The following ANKRD31 variants were observed in gnomAD, a reference collection of about 807,000 sequenced individuals.
ANKRD31 encodes the protein ankyrin repeat domain 31.
Under a neutral mutation model 186.0 loss-of-function variants are expected in ANKRD31, and 147 were observed. That is an observed-to-expected ratio of 0.79 (90% CI 0.69 to 0.91). The LOEUF is 0.91. ANKRD31 is among the 40% of genes least tolerant of loss of function. The pLI, the probability that ANKRD31 is intolerant of heterozygous loss-of-function variation, is 0.00. For synonymous variants in ANKRD31, 673 were observed against 736.4 expected (o/e 0.91, Z 1.39); for missense variants, 1,986 against 2,148.8 (o/e 0.92, Z 1.50).
chr5:75,136,646 T>C (rs1490057505), intron 17 of ANKRD31, among the ~76,000 whole-genome samples: 40 of 152,252 alleles, frequency 2.6e-4, no homozygotes, highest in African/African-American at 8.7e-4. Flanking sequence ...CCATTTGACC[T>C]AGCCATCCCA....
chr5:75,235,972 T>G (rs1758247332), intron 1 of ANKRD31, among the ~76,000 whole-genome samples: 1 of 152,174 alleles, frequency 6.6e-6, no homozygotes, highest in Non-Finnish European at 1.5e-5. Context: ...CCTAATTCTG[T>G]GTACGATCCA....
At chr5:75,185,557 A>T (rs1754649496) in intron 10 of ANKRD31, among the ~76,000 whole-genome samples, 2 of 151,536 alleles carry the variant, frequency 1.3e-5, no homozygotes, top group African/African-American at 4.8e-5. Flanking sequence ...ATTCCATCTC[A>T]CACACACACA....
At chr5:75,193,863 C>A (rs887653855) in intron 7 of ANKRD31, among the ~76,000 whole-genome samples, 1 of 152,072 alleles carries the variant, frequency 6.6e-6, no homozygotes, top group Non-Finnish European at 1.5e-5. Context: ...TCTATGGTCA[C>A]TCTAGGAGTT....
chr5:75,233,762 A>G (rs902241685), intron 1 of ANKRD31, among the ~76,000 whole-genome samples: 2 of 152,014 alleles, frequency 1.3e-5, no homozygotes, highest in African/African-American at 2.4e-5. Context: ...CTAAAAATAC[A>G]AAAATTAGCT....
At chr5:75,117,608 A>G (rs1033924550) in intron 18 of ANKRD31, among the ~76,000 whole-genome samples, 2 of 150,784 alleles carry the variant, frequency 1.3e-5, no homozygotes, top group South Asian at 4.2e-4. Context: ...ATTCCTGAGT[A>G]TCTTCTTCTA....
At chr5:75,083,127 A>G (rs1475823590) in intron 24 of ANKRD31, among the ~76,000 whole-genome samples, 1 of 152,214 alleles carries the variant, frequency 6.6e-6, no homozygotes, top group East Asian at 1.9e-4. Flanking sequence ...TATGTTTCAT[A>G]TACACCTAAA....
At position 75,195,643 on chromosome 5, in the gene ANKRD31, T is replaced by C. The variant is rs182187242; in HGVS notation, c.1005A>G (p.Thr335=). ...FNTSQTNEDC[T]QIAETLQDPN... is the part of the protein sequence containing the mutation. ...ATTCAAAATTCACCTCTGCTATTTG[T>C]GTACAATCTTCATTGGTCTGAGACG... is the stretch of plus-strand genomic sequence containing the variant. The change falls in exon 7 of 26, where the codon ACA becomes ACG. Residue 335 remains threonine (T), a synonymous_variant. Transcript: ENST00000506364. The C allele has an allele frequency of 2.9e-4, 436 of 1,524,030 alleles. 3 individuals are homozygous for C. The African/African-American group carries it at 5.4e-3, about 19-fold the overall frequency. 94.4% of individuals were successfully genotyped at this position (1,524,030 alleles called of 1,614,324 possible).
At chr5:75,114,880 C>T (rs1459288160) in intron 19 of ANKRD31, among the ~76,000 whole-genome samples, 2 of 152,048 alleles carry the variant, frequency 1.3e-5, no homozygotes, top group Non-Finnish European at 2.9e-5. Flanking sequence ...CTACCAATGA[C>T]TTTCTTCACA....
chr5:75,109,783 G>A (rs775424793), intron 20 of ANKRD31, among the ~76,000 whole-genome samples: 2 of 152,022 alleles, frequency 1.3e-5, no homozygotes, highest in Non-Finnish European at 2.9e-5. Context: ...CCCTGCCTAT[G>A]AGGGCTTCCA....
At chr5:75,117,138 G>A (rs1041238051) in intron 18 of ANKRD31, among the ~76,000 whole-genome samples, 1 of 152,000 alleles carries the variant, frequency 6.6e-6, no homozygotes, top group Non-Finnish European at 1.5e-5. Flanking sequence ...TATTATCATT[G>A]TACCCTATAT....
At chr5:75,084,410 C>T in intron 23 of ANKRD31, 36 bp from the exon 24 acceptor site, 1 of 1,395,484 alleles carries the variant, frequency 7.2e-7, no homozygotes, top group Non-Finnish European at 9.8e-7. Context: ...ATAAATCATA[C>T]ATTCTGTAAG....
chr5:75,171,315 G>T (rs1034108145), intron 10 of ANKRD31, among the ~76,000 whole-genome samples: 1 of 151,860 alleles, frequency 6.6e-6, no homozygotes, highest in African/African-American at 2.4e-5. Context: ...TAACAGAAAG[G>T]TATCTAGAGA....
rs73763009 is a variant in ANKRD31 at position 75,162,833 on chromosome 5, C to T, written c.1707+6146G>A. On this transcript the variant is annotated intron_variant, in intron 11 of 25. Transcript: ENST00000506364. ...TGCTCATTGCTATTGGATGTTATTG[C>T]TTTTAGGTATTTTCAGTGAAATATA... 3.9e-3 allele frequency among the ~76,000 whole-genome samples: 590 copies of T among 152,028 alleles called. 6 individuals are homozygous for T. Among genetic ancestry groups the T allele is most frequent in the African/African-American group, 0.014 (567 of 41,460 alleles).
At position 75,192,716 on chromosome 5, in the gene ANKRD31, G is replaced by T; in HGVS notation, c.1359C>A (p.Phe453Leu). 1 of 1,534,594 alleles carries T rather than the reference G, an allele frequency of 6.5e-7. No homozygotes were observed. The change falls in exon 9 of 26, where the codon TTC becomes TTA. Residue 453 changes from phenylalanine to leucine, a missense_variant. Coordinates refer to ENST00000506364, the MANE Select transcript of ANKRD31 (RefSeq NM_001372053.1). ...TTTTCCTGATCTGTTTTCCATTCTT[G>T]AACCTTGCTGAATGCATATTCTTCT... ...GKEKNMHSAR[F>L]KNGKQIRKNE...
At chr5:75,203,047 A>G (rs1755916983) in intron 5 of ANKRD31, among the ~76,000 whole-genome samples, 2 of 152,208 alleles carry the variant, frequency 1.3e-5, no homozygotes, top group Non-Finnish European at 1.5e-5. Context: ...CCTGGGCCCA[A>G]GGGATCCCCC....
chr5:75,193,410 T>G lies in ANKRD31; in HGVS notation c.1199A>C (p.Lys400Thr). The G allele has an allele frequency of 2.0e-6, 3 of 1,537,274 alleles. No homozygotes were observed. The highest frequency in any genetic ancestry group is 2.6e-6 in the Non-Finnish European group (3 of 1,146,792). ...LEKLKVSRDA[K>T]YSDHMYKMPE... The stretch of plus-strand genomic sequence containing the variant: ...CATCTTATACATGTGATCTGAGTAC[T>G]TTGCATCTCTGCTTACTTTCAGTTT... The change falls in exon 8 of 26, where the codon AAG (lysine) becomes ACG (threonine). Residue 400 changes from lysine (K) to threonine (T), a missense_variant. Physicochemically the swap from Lys to Thr is moderately conservative, Grantham distance 78 (BLOSUM62 -1). Coordinates refer to ENST00000506364, the MANE Select transcript of ANKRD31 (RefSeq NM_001372053.1).
rs545127960 is a variant in ANKRD31, at chr5:75,179,931, A to G, written c.1564+8562T>C. 3.9e-5 allele frequency among the ~76,000 whole-genome samples: 6 copies of G among 152,228 alleles called. No homozygotes were observed. In the South Asian group the frequency reaches 1.2e-3, roughly 32 times the overall value. ...TAAAGGGCATTCAATTAGGAAAAGA[A>G]GAAGTCAAATTGTCCCTGTTTTCAG... On this transcript the variant is annotated intron_variant, in intron 10 of 25. Coordinates refer to ENST00000506364, the MANE Select transcript of ANKRD31 (RefSeq NM_001372053.1).
In ANKRD31 at chr5:75,230,729, T is replaced by G. The variant is rs558035972; in HGVS notation, c.105-94A>C. The G allele has an allele frequency of 1.1e-4, 96 of 885,750 alleles. 1 individual carries two copies. The South Asian group carries it at 1.6e-3, about 14-fold the overall frequency. The allele number at this position is 885,750 out of a possible 1,614,324, so 54.9% of individuals were successfully genotyped here. ...TCATTTTTATTATACCAAAACTTGCTAAAATTCTTAGTTATACCACTATTA... is the reference window on the plus strand; with the variant it reads ...TCATTTTTATTATACCAAAACTTGCGAAAATTCTTAGTTATACCACTATTA... On this transcript the variant is annotated intron_variant, in intron 1 of 25. Transcript: ENST00000506364.
intron 10 of ANKRD31, among the ~76,000 whole-genome samples, chr5:75,181,448 C>A (rs963948740): frequency 1.3e-5 from 2 of 151,950 alleles, no homozygotes; most frequent in African/African-American, 4.8e-5. Context: ...ACGTTTATTG[C>A]GGCACTATTC....
Sources: allele counts gnomAD v4.1 joint callset (sites outside exome capture counted in the v4.1 genomes callset), GRCh38; gene constraint gnomAD v4.1.1; transcripts MANE v1.5; gene names NCBI Gene and HGNC (gene_info 2026-07-23, HGNC 2026-07-21).